The following UNC13C variants were observed in gnomAD, a reference collection of about 807,000 sequenced individuals.
UNC13C encodes protein unc-13 homolog C.
UNC13C carries 174 observed loss-of-function variants against 245.4 expected under a neutral mutation model. That is an observed-to-expected ratio of 0.71 (90% CI 0.63 to 0.80). The LOEUF (loss-of-function observed/expected upper bound fraction) is 0.80, where lower values mean the gene tolerates loss of function less well. UNC13C is among the 30% of genes least tolerant of loss of function. UNC13C has a pLI of 0.00. For missense variants in UNC13C, 2,829 were observed against 2,602.9 expected, an observed-to-expected ratio of 1.09 and a Z score of -1.89; for synonymous variants, 992 against 895.1, an observed-to-expected ratio of 1.11 and a Z score of -1.93.
At chr15:54,575,412 A>G (rs1301147764) in intron 30 of UNC13C, among the ~76,000 whole-genome samples, 1 of 152,224 alleles carries the variant, frequency 6.6e-6, no homozygotes, top group African/African-American at 2.4e-5. Flanking sequence ...ACCTAATGAA[A>G]GCATTATCTC....
the UNC13C span, among the ~76,000 whole-genome samples, chr15:53,949,071 T>C: frequency 6.6e-6 from 1 of 152,234 alleles, no homozygotes; most frequent in Non-Finnish European, 1.5e-5. Flanking sequence ...ACTTATAATC[T>C]ACAGAGGAGT....
chr15:53,922,972 C>T, the UNC13C span, among the ~76,000 whole-genome samples: 1 of 152,140 alleles, frequency 6.6e-6, no homozygotes, highest in Non-Finnish European at 1.5e-5. Flanking sequence ...TTCTTGTTTA[C>T]TAAGCCACTC....
At chr15:53,861,180 G>A in the UNC13C span, among the ~76,000 whole-genome samples, 1 of 152,110 alleles carries the variant, frequency 6.6e-6, no homozygotes, top group African/African-American at 2.4e-5. Context: ...TCAATGACAA[G>A]CATTAAAATG....
chr15:54,096,537 A>T (rs116175511), intron 2 of UNC13C, among the ~76,000 whole-genome samples: 1 of 152,132 alleles, frequency 6.6e-6, no homozygotes, highest in South Asian at 2.1e-4. Context: ...TTTCTTCAAT[A>T]TGGATTATGC....
chr15:54,498,785 A>C (rs2141095490), intron 20 of UNC13C, among the ~76,000 whole-genome samples: 1 of 152,306 alleles, frequency 6.6e-6, no homozygotes, highest in South Asian at 2.1e-4. Flanking sequence ...ATTCCTAAAA[A>C]GATGCATTAT....
intron 17 of UNC13C, among the ~76,000 whole-genome samples, chr15:54,364,050 T>G (rs2039299643): frequency 6.6e-6 from 1 of 152,184 alleles, no homozygotes; most frequent in Non-Finnish European, 1.5e-5. Context: ...CTCTAGTGAT[T>G]TAGTGCTGAT....
intron 17 of UNC13C, among the ~76,000 whole-genome samples, chr15:54,343,705 G>T (rs2038791858): frequency 1.3e-5 from 2 of 152,122 alleles, no homozygotes; most frequent in African/African-American, 4.8e-5. Context: ...GAATGGTAAG[G>T]CAGACTATTC....
the UNC13C span, among the ~76,000 whole-genome samples, chr15:53,844,176 G>A: frequency 1.7e-4 from 26 of 152,196 alleles, no homozygotes; most frequent in African/African-American, 6.3e-4. Context: ...AAAAGTGTGT[G>A]TCACTGTAGA....
intron 17 of UNC13C, among the ~76,000 whole-genome samples, chr15:54,350,440 A>G (rs2038957199): frequency 6.6e-6 from 1 of 152,214 alleles, no homozygotes; most frequent in Admixed American, 6.5e-5. Context: ...AAATAGAAAG[A>G]TAAGGATGAC....
chr15:54,552,869 A>T (rs375165869), intron 28 of UNC13C, among the ~76,000 whole-genome samples: 1 of 82 alleles, frequency 0.012, no homozygotes, highest in Non-Finnish European at 0.02. Flanking sequence ...TTAATATATA[A>T]TATATATTGT....
At chr15:54,616,431 T>C (rs981628138) in intron 30 of UNC13C, among the ~76,000 whole-genome samples, 5 of 151,978 alleles carry the variant, frequency 3.3e-5, no homozygotes, top group African/African-American at 1.2e-4. Flanking sequence ...CCTGCTGTAC[T>C]CCCAGTCATA....
chr15:54,195,530 C>T (rs777289727), intron 4 of UNC13C, among the ~76,000 whole-genome samples: 3 of 152,206 alleles, frequency 2.0e-5, no homozygotes, highest in Admixed American at 1.3e-4. Flanking sequence ...GAAGCAGCGC[C>T]TTTTGCACCA....
intron 7 of UNC13C, among the ~76,000 whole-genome samples, chr15:54,241,071 A>G (rs948365503): frequency 1.3e-5 from 2 of 152,146 alleles, no homozygotes; most frequent in African/African-American, 4.8e-5. Context: ...TGCAAGTCAC[A>G]TGGAAGCTTC....
chr15:54,596,422 T>C (rs984162049), intron 30 of UNC13C, among the ~76,000 whole-genome samples: 1 of 152,182 alleles, frequency 6.6e-6, no homozygotes, highest in African/African-American at 2.4e-5. Context: ...ATAAAGAGTA[T>C]AGCCATGATG....
At chr15:53,898,207 C>CACT in the UNC13C span, among the ~76,000 whole-genome samples, 6 of 81,242 alleles carry the variant, frequency 7.4e-5, no homozygotes, top group Admixed American at 6.4e-4. Context: ...CCACCACCAC[C>CACT]ATCATCATCA....
At chr15:54,472,886 A>G (rs1358209556) in intron 19 of UNC13C, among the ~76,000 whole-genome samples, 1 of 151,672 alleles carries the variant, frequency 6.6e-6, no homozygotes, top group African/African-American at 2.4e-5. Context: ...ATATTTGGGG[A>G]GTCGGACATG....
chr15:54,246,445 C>T (rs528754113), intron 7 of UNC13C, among the ~76,000 whole-genome samples: 37 of 146,926 alleles, frequency 2.5e-4, no homozygotes, highest in East Asian at 1.2e-3. Context: ...AAGAGTATTA[C>T]GTCCTGTCTA....
intron 2 of UNC13C, among the ~76,000 whole-genome samples, chr15:54,040,369 T>G (rs1896760409): frequency 6.6e-6 from 1 of 152,164 alleles, no homozygotes. Flanking sequence ...TAAGGTGTGG[T>G]CTGTGAACCA....
chr15:54,200,869 A>T (rs1231446894), intron 4 of UNC13C, among the ~76,000 whole-genome samples: 3 of 152,100 alleles, frequency 2.0e-5, no homozygotes, highest in African/African-American at 2.4e-5. Context: ...AATACAAAAG[A>T]TAAATGAAAC....
Sources: allele counts gnomAD v4.1 joint callset (sites outside exome capture counted in the v4.1 genomes callset), GRCh38; gene constraint gnomAD v4.1.1; transcripts MANE v1.5; gene names NCBI Gene and HGNC (gene_info 2026-07-23, HGNC 2026-07-21).